The following DDHD1 variants were observed in gnomAD, a reference collection of about 807,000 sequenced individuals.
DDHD1 encodes DDHD domain containing 1, also known as phospholipase DDHD1.
A neutral mutation model predicts 96.4 loss-of-function variants in DDHD1; 49 were observed. The observed-to-expected ratio is 0.51, with a 90% CI of 0.40 to 0.64. The LOEUF (loss-of-function observed/expected upper bound fraction) is 0.64. Ranked by LOEUF, DDHD1 falls within the 30% of genes least tolerant of loss-of-function variation. The pLI, the probability that DDHD1 is intolerant of heterozygous loss-of-function variation, is 0.00. For synonymous variants in DDHD1, 442 were observed against 446.5 expected, an observed-to-expected ratio of 0.99 and a Z score of 0.13; for missense variants, 1,106 against 1,161.2, an observed-to-expected ratio of 0.95 and a Z score of 0.69.
At chr14:53,111,377 C>T (rs920208046) in intron 1 of DDHD1, among the ~76,000 whole-genome samples, 2 of 150,908 alleles carry the variant, frequency 1.3e-5, no homozygotes, top group South Asian at 2.1e-4. Context: ...GACTATATCC[C>T]ATAAATCATT....
chr14:53,144,223 C>T (rs1333179168), intron 1 of DDHD1, among the ~76,000 whole-genome samples: 1 of 152,176 alleles, frequency 6.6e-6, no homozygotes, highest in African/African-American at 2.4e-5. Context: ...CTAATGTTTT[C>T]CAGTGAAAGG....
At chr14:53,152,130 C>CGCCGT in intron 1 of DDHD1, 131 bp downstream of exon 1, 2 of 883,952 alleles carry the variant, frequency 2.3e-6, no homozygotes, top group Admixed American at 3.7e-5. Flanking sequence ...GCTCAATCTC[C>CGCCGT]ATCCTGCCCC....
At chr14:53,063,495 A>C (rs1595106164) in intron 6 of DDHD1, among the ~76,000 whole-genome samples, 1 of 152,002 alleles carries the variant, frequency 6.6e-6, no homozygotes, top group Non-Finnish European at 1.5e-5. Flanking sequence ...AAAAAAAAAA[A>C]AACCAAAGTT....
intron 2 of DDHD1, among the ~76,000 whole-genome samples, chr14:53,099,067 T>C (rs1412131600): frequency 6.6e-6 from 1 of 152,100 alleles, no homozygotes; most frequent in Admixed American, 6.5e-5. Context: ...GTATCTCTGT[T>C]CCTTTTTCTT....
Position 53,044,093 on chromosome 14 carries a change from C to T in DDHD1, c.*2675G>A, listed in dbSNP as rs12432928. The T allele has an allele frequency of 8.5e-5, 13 of 152,188 alleles. No homozygotes were observed. Among genetic ancestry groups the T allele is most frequent in the Non-Finnish European group, 1.8e-4 (12 of 68,034 alleles). 9.4% of individuals were successfully genotyped at this position (152,188 alleles called of 1,614,324 possible). ...CTTCTAATCAAGCCAGAATGACACA[C>T]AGTCTGTATATTAATTAAGTATATA... On this transcript the variant is annotated 3_prime_UTR_variant, in exon 13 of 13. Coordinates refer to ENST00000673822, the MANE Select transcript of DDHD1 (RefSeq NM_001160148.2).
chr14:53,095,356 T>C (rs1442310865), intron 2 of DDHD1, among the ~76,000 whole-genome samples: 3 of 152,196 alleles, frequency 2.0e-5, no homozygotes, highest in East Asian at 3.8e-4. Context: ...TCTACTGATT[T>C]AAAGATGGGC....
intron 4 of DDHD1, among the ~76,000 whole-genome samples, chr14:53,079,718 C>T (rs928591641): frequency 6.6e-6 from 1 of 152,154 alleles, no homozygotes; most frequent in African/African-American, 2.4e-5. Context: ...GTAATACATA[C>T]AGATCTTCCC....
At chr14:53,137,423 C>T (rs1890318205) in intron 1 of DDHD1, among the ~76,000 whole-genome samples, 1 of 151,532 alleles carries the variant, frequency 6.6e-6, no homozygotes, top group African/African-American at 2.4e-5. Context: ...AAAACCCTGT[C>T]TCTACTAAAA....
chr14:53,063,321 G>T, intron 6 of DDHD1, 116 bp from the exon 7 acceptor site: 1 of 1,207,642 alleles, frequency 8.3e-7, no homozygotes, highest in Non-Finnish European at 1.1e-6. Flanking sequence ...AATATACCTA[G>T]GTTATTAAAA....
At chr14:53,062,406 T>C (rs893083765) in intron 7 of DDHD1, among the ~76,000 whole-genome samples, 1 of 151,942 alleles carries the variant, frequency 6.6e-6, no homozygotes, top group African/African-American at 2.4e-5. Flanking sequence ...GAGATGAAGA[T>C]AGGAATGCAG....
At chr14:53,141,379 T>C (rs1890630855) in intron 1 of DDHD1, among the ~76,000 whole-genome samples, 1 of 152,200 alleles carries the variant, frequency 6.6e-6, no homozygotes, top group Non-Finnish European at 1.5e-5. Context: ...CTAGGGGGTT[T>C]ATGAACTAAC....
chr14:53,077,095 G>C (rs1056999884), intron 4 of DDHD1, among the ~76,000 whole-genome samples: 55 of 152,196 alleles, frequency 3.6e-4, no homozygotes, highest in East Asian at 1.9e-4. Flanking sequence ...TTCATTCACT[G>C]CATCCCTATG....
chr14:53,051,978 A>C, intron 11 of DDHD1, 51 bp from the exon 12 acceptor site: 1 of 1,399,860 alleles, frequency 7.1e-7, no homozygotes, highest in Non-Finnish European at 9.9e-7. Context: ...ATGATTAAAA[A>C]TGGCCTTCAA....
intron 9 of DDHD1, 83 bp downstream of exon 9, chr14:53,058,394 C>T (rs1479817035): frequency 4.0e-5 from 59 of 1,462,998 alleles, no homozygotes; most frequent in Non-Finnish European, 5.3e-5. Flanking sequence ...GGATTACAAG[C>T]GTGAGCCACT....
chr14:53,152,881 T>C lies in DDHD1; in HGVS notation c.218A>G (p.Asp73Gly). The change falls in exon 1 of 13, where the codon GAC (aspartate) becomes GGC (glycine). Residue 73 changes from aspartate (D) to glycine (G), a missense_variant. By Grantham distance (94) the Asp-to-Gly change is moderately conservative (BLOSUM62 -1). Coordinates refer to ENST00000673822, the MANE Select transcript of DDHD1 (RefSeq NM_001160148.2). ...GTCCAGCGCGAGGTGGTGGTTGTGG[T>C]CGTCGGTGCCCGGCGCCAAATGCAG... ...PGLHLAPGTD[D>G]HNHHLALDPC... The C allele has an allele frequency of 6.2e-7, 1 of 1,609,888 alleles. No individual in the cohort carries two copies. Among genetic ancestry groups the C allele is most frequent in the Non-Finnish European group, 8.5e-7 (1 of 1,178,378 alleles).
At chr14:53,148,723 A>G (rs1424706599) in intron 1 of DDHD1, among the ~76,000 whole-genome samples, 1 of 152,232 alleles carries the variant, frequency 6.6e-6, no homozygotes, top group South Asian at 2.1e-4. Flanking sequence ...TGTTCCTTAC[A>G]GACATTCTTT....
chr14:53,121,977 A>G, intron 1 of DDHD1, among the ~76,000 whole-genome samples: 1 of 150,846 alleles, frequency 6.6e-6, no homozygotes, highest in Non-Finnish European at 1.5e-5. Context: ...ACTGCCTCTC[A>G]GCTCTAAATC....
chr14:53,073,337 G>A (rs540814161), intron 5 of DDHD1, among the ~76,000 whole-genome samples: 2 of 151,844 alleles, frequency 1.3e-5, no homozygotes, highest in South Asian at 2.1e-4. Flanking sequence ...TTTATCTTCC[G>A]ATTATGGGGA....
intron 6 of DDHD1, among the ~76,000 whole-genome samples, chr14:53,068,668 T>A (rs1884253604): frequency 6.6e-6 from 1 of 152,238 alleles, no homozygotes. Context: ...TGTGTTCTCC[T>A]GTGTGTGTCA....
Sources: gnomAD v4.1 joint callset for allele counts (sites outside exome capture counted in the v4.1 genomes callset) on GRCh38, gnomAD v4.1.1 for gene constraint, MANE v1.5 for transcripts, NCBI Gene and HGNC (gene_info 2026-07-23, HGNC 2026-07-21) for gene names.